The following HYCC2 variants were observed in gnomAD, a reference collection of about 807,000 sequenced individuals.
HYCC2 encodes the protein hyccin 2.
the HYCC2 span, among the ~76,000 whole-genome samples, chr2:201,056,661 T>G: frequency 1.7e-5 from 2 of 119,976 alleles, no homozygotes; most frequent in African/African-American, 3.3e-5. Flanking sequence ...GTAACAAGAG[T>G]GAAACTCCAT....
the HYCC2 span, among the ~76,000 whole-genome samples, chr2:201,059,905 C>T: frequency 7.5e-3 from 1,147 of 152,076 alleles, 8 homozygotes; most frequent in African/African-American, 0.026. Context: ...AATTAGCCAG[C>T]GTAGTGGCAC....
At chr2:200,995,357 A>G in the HYCC2 span, among the ~76,000 whole-genome samples, 3 of 152,218 alleles carry the variant, frequency 2.0e-5, no homozygotes, top group South Asian at 6.2e-4. Flanking sequence ...TTGGAGAGCC[A>G]TGATCCCTAT....
chr2:201,066,293 C>T, the HYCC2 span, among the ~76,000 whole-genome samples: 3 of 152,062 alleles, frequency 2.0e-5, no homozygotes, highest in Non-Finnish European at 4.4e-5. Context: ...AGGCTGGTCT[C>T]GAAATCCTGA....
chr2:201,071,206 C>T, the HYCC2 span, among the ~76,000 whole-genome samples: 1 of 152,282 alleles, frequency 6.6e-6, no homozygotes, highest in East Asian at 1.9e-4. Context: ...CAGGAAATGG[C>T]CCTAAGAAGC....
chr2:201,009,111 G>A, the HYCC2 span: 1 of 1,361,862 alleles, frequency 7.3e-7, no homozygotes. Flanking sequence ...GGTACAGTAT[G>A]AGACAATGTC....
At chr2:200,981,302 T>C in the HYCC2 span, 21 of 1,613,726 alleles carry the variant, frequency 1.3e-5, no homozygotes, top group Non-Finnish European at 1.6e-5. The surrounding 1 kb of genome is among the most constrained non-coding windows in gnomAD (Gnocchi z 4.5). Flanking sequence ...ATATTGAAAC[T>C]TGGGGATCGA....
At chr2:200,978,157 T>A in the HYCC2 span, 3 of 152,162 alleles carry the variant, frequency 2.0e-5, no homozygotes, top group Admixed American at 2.0e-4. Flanking sequence ...AACAAAACTA[T>A]TTTAAATTAA....
chr2:200,976,550 G>A, the HYCC2 span: 5 of 152,114 alleles, frequency 3.3e-5, no homozygotes, highest in Non-Finnish European at 5.9e-5. Context: ...CACAAAAGTG[G>A]TGCAAACAAA....
At chr2:201,017,693 G>T in the HYCC2 span, among the ~76,000 whole-genome samples, 1 of 152,146 alleles carries the variant, frequency 6.6e-6, no homozygotes. Flanking sequence ...CTGCTAATCA[G>T]TTTCTGACAG....
chr2:201,035,938 T>G, the HYCC2 span, among the ~76,000 whole-genome samples: 6 of 152,118 alleles, frequency 3.9e-5, no homozygotes, highest in Non-Finnish European at 8.8e-5. Context: ...ACAGCAAATG[T>G]TGCTGCCTGA....
the HYCC2 span, chr2:200,978,429 T>TATAC: frequency 1.3e-5 from 2 of 150,008 alleles, no homozygotes; most frequent in Non-Finnish European, 3.0e-5. Context: ...CATATATGTA[T>TATAC]ATACATACAG....
At chr2:200,978,940 CAATTTG>C in the HYCC2 span, 1 of 152,124 alleles carries the variant, frequency 6.6e-6, no homozygotes, top group African/African-American at 2.4e-5. Context: ...AATAAATGCA[CAATTTG>C]AATTGAAAAC....
At chr2:201,049,187 G>C in the HYCC2 span, among the ~76,000 whole-genome samples, 2 of 149,344 alleles carry the variant, frequency 1.3e-5, no homozygotes, top group East Asian at 3.9e-4. Context: ...AGGAGAAAAA[G>C]ATAAAGCCAT....
chr2:200,986,513 T>A, the HYCC2 span, among the ~76,000 whole-genome samples: 1 of 152,004 alleles, frequency 6.6e-6, no homozygotes. Context: ...CGGCATTACA[T>A]GCAAAACAGT....
the HYCC2 span, chr2:200,992,292 G>C: frequency 6.2e-7 from 1 of 1,602,998 alleles, no homozygotes; most frequent in East Asian, 2.2e-5. Context: ...AATAGTGGTT[G>C]AGAAAAAAGC....
chr2:200,984,713 A>G, the HYCC2 span, among the ~76,000 whole-genome samples: 1 of 152,078 alleles, frequency 6.6e-6, no homozygotes, highest in Non-Finnish European at 1.5e-5. Flanking sequence ...GCAAGATCTT[A>G]TCTCCATAAA....
chr2:200,982,230 GAAAAAA>G, the HYCC2 span, among the ~76,000 whole-genome samples: 1 of 119,108 alleles, frequency 8.4e-6, no homozygotes, highest in African/African-American at 3.0e-5. Flanking sequence ...CTACCTACTG[GAAAAAA>G]AAAAAAAAAA....
At chr2:201,043,899 T>C in the HYCC2 span, among the ~76,000 whole-genome samples, 1 of 152,174 alleles carries the variant, frequency 6.6e-6, no homozygotes, top group Admixed American at 6.5e-5. Flanking sequence ...TATCTTTTAT[T>C]TTTTGAGATG....
the HYCC2 span, among the ~76,000 whole-genome samples, chr2:201,042,680 G>A: frequency 6.6e-6 from 1 of 151,332 alleles, no homozygotes; most frequent in Non-Finnish European, 1.5e-5. Flanking sequence ...CCGCCCGGCA[G>A]CCGCCCAGTC....
Sources: gnomAD v4.1 joint callset for allele counts (sites outside exome capture counted in the v4.1 genomes callset) on GRCh38, gnomAD v4.1.1 for gene constraint, Gnocchi (gnomAD v3.1) non-coding constraint, MANE v1.5 for transcripts, NCBI Gene and HGNC (gene_info 2026-07-23, HGNC 2026-07-21) for gene names.